TRHDE: variants seen among roughly 807,000 people sequenced by gnomAD.
TRHDE encodes thyrotropin releasing hormone degrading enzyme, also known as thyrotropin-releasing hormone-degrading ectoenzyme.
Under a neutral mutation model 125.7 loss-of-function variants are expected in TRHDE, and 72 were observed. That is an observed-to-expected ratio of 0.57 (90% CI 0.47 to 0.70). TRHDE has a LOEUF of 0.70. Ranked by LOEUF, TRHDE falls within the 30% of genes least tolerant of loss-of-function variation. The probability of loss-of-function intolerance (pLI) is 0.00; values close to 1 mark genes in which losing one functional copy is unlikely to be tolerated. For missense variants in TRHDE, 1,110 were observed against 1,327.1 expected (o/e 0.84, Z 2.54); for synonymous variants, 509 against 509.1 (o/e 1.00, Z 0.00).
chr12:72,425,038 A>G (rs975817552), intron 3 of TRHDE, among the ~76,000 whole-genome samples: 1 of 152,148 alleles, frequency 6.6e-6, no homozygotes, highest in Non-Finnish European at 1.5e-5. Flanking sequence ...CTTTACTCCT[A>G]TAAGAAAAAT....
rs1870505573 is a variant in TRHDE at position 72,567,511 on chromosome 12, G to GACAGAGTCAT, written c.2043-1055_2043-1046dup. On this transcript the variant is annotated intron_variant, in intron 9 of 18. Transcript: ENST00000261180. The stretch of plus-strand genomic sequence containing the variant: ...ATAATAAAATAGTCAAATTTCACAC[G>GACAGAGTCAT]ACAGAGTCATAGGAAATGCCCTTCT... Among the ~76,000 whole-genome samples the GACAGAGTCAT allele has an allele frequency of 2.0e-5, 3 of 151,834 alleles. No individual in the cohort carries two copies. In the South Asian group the frequency reaches 6.2e-4, roughly 32 times the overall value.
intron 6 of TRHDE, among the ~76,000 whole-genome samples, chr12:72,539,316 A>G (rs1003983095): frequency 6.6e-6 from 1 of 151,904 alleles, no homozygotes; most frequent in Non-Finnish European, 1.5e-5. Context: ...ACCTTATTCA[A>G]TAAGCATGCA....
intron 3 of TRHDE, among the ~76,000 whole-genome samples, chr12:72,402,581 T>C (rs1235441038): frequency 3.3e-5 from 5 of 152,210 alleles, no homozygotes; most frequent in Non-Finnish European, 7.3e-5. Context: ...ACCAGTCATA[T>C]TGAATCAGGG....
chr12:72,355,428 C>T (rs571873278), intron 2 of TRHDE, among the ~76,000 whole-genome samples: 2 of 151,390 alleles, frequency 1.3e-5, no homozygotes, highest in East Asian at 3.9e-4. Context: ...GGTAAAATTG[C>T]CTTCTAAAAA....
At position 72,190,277 on chromosome 12, in the gene TRHDE, T is replaced by C. The variant is rs111364221; in HGVS notation, n.279+84525T>C. ...ACCCACCTGTGGCCTCATGAAGCGT[T>C]TTCTATAACCAGCTGAGAAAGAAAA... On this transcript the variant is annotated intron_variant and non_coding_transcript_variant, in intron 2 of 4. Transcript: ENST00000548156. Among the ~76,000 whole-genome samples, 353 of 152,314 alleles carry C rather than the reference T, an allele frequency of 2.3e-3. 2 individuals are homozygous for C. Among genetic ancestry groups the C allele is most frequent in the African/African-American group, 7.9e-3 (328 of 41,568 alleles).
intron 2 of TRHDE, among the ~76,000 whole-genome samples, chr12:72,209,205 G>T (rs1877727131): frequency 6.6e-6 from 1 of 152,106 alleles, no homozygotes; most frequent in Non-Finnish European, 1.5e-5. Flanking sequence ...TGATGAATAT[G>T]ATCTATTTTG....
chr12:72,433,940 A>G (rs985400661), intron 3 of TRHDE, among the ~76,000 whole-genome samples: 4 of 151,992 alleles, frequency 2.6e-5, no homozygotes, highest in African/African-American at 7.2e-5. Context: ...GTAGCCGTTG[A>G]CTGAGAGCTG....
chr12:72,362,321 G>A (rs1419854617), intron 2 of TRHDE, among the ~76,000 whole-genome samples: 2 of 150,074 alleles, frequency 1.3e-5, no homozygotes, highest in Non-Finnish European at 3.0e-5. Flanking sequence ...CAGTGATGGT[G>A]AGCATTTTTT....
intron 2 of TRHDE, among the ~76,000 whole-genome samples, chr12:72,371,395 T>TTA (rs1871579075): frequency 6.6e-6 from 1 of 151,212 alleles, no homozygotes. Context: ...TTTATTTATT[T>TTA]TTATTATTAT....
rs150363763 is a variant in TRHDE, at chr12:72,368,070, A to G, written c.1189-9925A>G. Among the ~76,000 whole-genome samples the G allele has an allele frequency of 5.3e-3, 802 of 152,326 alleles. 6 individuals are homozygous for G. The highest frequency in any genetic ancestry group is 0.015 in the South Asian group (73 of 4,832). On this transcript the variant is annotated intron_variant, in intron 2 of 18. Transcript: ENST00000261180. ...TAACTATACACTGTTTCACGTGATT[A>G]TATAACAACTACCACAATTCATTTT...
chr12:72,356,995 T>C (rs1440016397), intron 2 of TRHDE, among the ~76,000 whole-genome samples: 2 of 151,466 alleles, frequency 1.3e-5, no homozygotes, highest in African/African-American at 2.4e-5. Context: ...CTTTAGACAA[T>C]TCAGCAAAAT....
intron 2 of TRHDE, among the ~76,000 whole-genome samples, chr12:72,208,544 C>G (rs1429030647): frequency 6.6e-6 from 1 of 152,160 alleles, no homozygotes; most frequent in Non-Finnish European, 1.5e-5. Context: ...CTTAGGAGTA[C>G]AGACTGCTGG....
intron 7 of TRHDE, among the ~76,000 whole-genome samples, chr12:72,556,099 A>G (rs1592533292): frequency 1.3e-5 from 2 of 152,190 alleles, no homozygotes; most frequent in Non-Finnish European, 2.9e-5. Flanking sequence ...CTTTCACGCC[A>G]TATCTACTGT....
At chr12:72,367,540 G>GA (rs546097776) in intron 2 of TRHDE, among the ~76,000 whole-genome samples, 19 of 150,782 alleles carry the variant, frequency 1.3e-4, no homozygotes, top group African/African-American at 4.1e-4. Flanking sequence ...CTTTTGCTTA[G>GA]AAAAAAAAAT....
chr12:72,314,547 A>G (rs1868708959), intron 2 of TRHDE, among the ~76,000 whole-genome samples: 1 of 152,144 alleles, frequency 6.6e-6, no homozygotes, highest in Admixed American at 6.5e-5. Flanking sequence ...ATTTGCATAA[A>G]ATTGCTACTG....
intron 2 of TRHDE, among the ~76,000 whole-genome samples, chr12:72,154,725 A>C (rs879942414): frequency 2.0e-4 from 31 of 152,080 alleles, no homozygotes; most frequent in Middle Eastern, 6.8e-3. Context: ...ATTGGCCCCC[A>C]CTCTCTTCTG....
At chr12:72,293,929 G>T (rs1188036158) in intron 2 of TRHDE, among the ~76,000 whole-genome samples, 1 of 152,202 alleles carries the variant, frequency 6.6e-6, no homozygotes, top group African/African-American at 2.4e-5. Flanking sequence ...TCCAGCCACG[G>T]TGCACAATCA....
intron 2 of TRHDE, among the ~76,000 whole-genome samples, chr12:72,332,334 T>C (rs35700010): frequency 0.35 from 52,769 of 151,868 alleles, 9,888 homozygotes; most frequent in Non-Finnish European, 0.43. Context: ...AGAGACGGGG[T>C]TTCACCGTGT....
chr12:72,291,504 G>T (rs777477026), intron 2 of TRHDE, among the ~76,000 whole-genome samples: 1 of 152,164 alleles, frequency 6.6e-6, no homozygotes, highest in Non-Finnish European at 1.5e-5. Context: ...AGTAGTTTGT[G>T]TTTGCAACCA....
Sources: allele counts gnomAD v4.1 joint callset (sites outside exome capture counted in the v4.1 genomes callset), GRCh38; gene constraint gnomAD v4.1.1; transcripts MANE v1.5; gene names NCBI Gene and HGNC (gene_info 2026-07-23, HGNC 2026-07-21).